The following NRXN3 variants were observed in gnomAD, a reference collection of about 807,000 sequenced individuals.
NRXN3 encodes the protein neurexin III.
NRXN3 carries 32 observed loss-of-function variants against 137.6 expected under a neutral mutation model. The observed-to-expected ratio is 0.23, with a 90% confidence interval of 0.18 to 0.31. The LOEUF (loss-of-function observed/expected upper bound fraction) is 0.31. Ranked by LOEUF, NRXN3 falls within the 10% of genes least tolerant of loss-of-function variation. The probability of loss-of-function intolerance (pLI) is 1.00; values close to 1 mark genes in which losing one functional copy is unlikely to be tolerated. For missense variants in NRXN3, 1,574 were observed against 2,062.5 expected (o/e 0.76, Z 4.59); for synonymous variants, 798 against 784.5 (o/e 1.02, Z -0.29).
At chr14:79,093,852 G>A (rs1263865384) in intron 15 of NRXN3, among the ~76,000 whole-genome samples, 2 of 151,994 alleles carry the variant, frequency 1.3e-5, no homozygotes, top group East Asian at 1.9e-4. Context: ...CTACATGACC[G>A]GGCTTTAGTT....
chr14:78,498,596 G>T (rs1400703650), intron 4 of NRXN3, among the ~76,000 whole-genome samples: 1 of 152,084 alleles, frequency 6.6e-6, no homozygotes, highest in East Asian at 1.9e-4. Context: ...TTGCAGCTTT[G>T]CAAGATACAG....
At chr14:78,488,229 A>G (rs2095600121) in intron 4 of NRXN3, among the ~76,000 whole-genome samples, 1 of 152,066 alleles carries the variant, frequency 6.6e-6, no homozygotes, top group African/African-American at 2.4e-5. Flanking sequence ...TAACTTAATC[A>G]CCTCTTTAAA....
At chr14:79,162,208 TG>T (rs1423585218) in intron 15 of NRXN3, among the ~76,000 whole-genome samples, 2 of 151,248 alleles carry the variant, frequency 1.3e-5, no homozygotes, top group East Asian at 4.0e-4. Flanking sequence ...TAGTTACATA[TG>T]TATACATGTG....
chr14:78,402,584 A>C (rs1217342655), intron 4 of NRXN3, among the ~76,000 whole-genome samples: 1 of 152,184 alleles, frequency 6.6e-6, no homozygotes. Context: ...CATATTTCAA[A>C]TATGAAGATG....
At chr14:79,501,333 G>C (rs1208984782) in intron 16 of NRXN3, among the ~76,000 whole-genome samples, 5 of 152,040 alleles carry the variant, frequency 3.3e-5, no homozygotes, top group South Asian at 2.1e-4. Context: ...ATCCATGTGA[G>C]GTATTCTGTG....
At chr14:79,452,040 G>C (rs2096181343) in intron 15 of NRXN3, among the ~76,000 whole-genome samples, 1 of 152,112 alleles carries the variant, frequency 6.6e-6, no homozygotes, top group African/African-American at 2.4e-5. Flanking sequence ...CTGAGCCTGA[G>C]ATAAGGACAG....
intron 16 of NRXN3, among the ~76,000 whole-genome samples, chr14:79,511,277 A>T (rs1298306388): frequency 6.6e-6 from 1 of 152,192 alleles, no homozygotes; most frequent in Non-Finnish European, 1.5e-5. Flanking sequence ...TAAGGAAAGC[A>T]CTATAGGAAC....
chr14:79,318,967 C>T (rs1313261991), intron 15 of NRXN3, among the ~76,000 whole-genome samples: 1 of 152,142 alleles, frequency 6.6e-6, no homozygotes, highest in Non-Finnish European at 1.5e-5. Flanking sequence ...TATGCACTCA[C>T]TTTGTTTTTG....
intron 11 of NRXN3, among the ~76,000 whole-genome samples, chr14:78,963,946 A>C (rs996570203): frequency 6.6e-6 from 1 of 151,270 alleles, no homozygotes; most frequent in Non-Finnish European, 1.5e-5. Context: ...TTTTTTTTTA[A>C]TTTGTAGAGA....
At chr14:79,819,172 C>T (rs749514753) in intron 20 of NRXN3, among the ~76,000 whole-genome samples, 3 of 152,200 alleles carry the variant, frequency 2.0e-5, no homozygotes, top group East Asian at 1.9e-4. Flanking sequence ...ACACTTTGAG[C>T]GTCTTACAGT....
At chr14:79,250,305 G>C (rs2075761355) in intron 15 of NRXN3, among the ~76,000 whole-genome samples, 1 of 152,148 alleles carries the variant, frequency 6.6e-6, no homozygotes, top group African/African-American at 2.4e-5. Flanking sequence ...TTGGGAACAT[G>C]AAAGGTAGAG....
chr14:79,119,383 C>G (rs2055029239), intron 15 of NRXN3, among the ~76,000 whole-genome samples: 1 of 152,092 alleles, frequency 6.6e-6, no homozygotes, highest in Non-Finnish European at 1.5e-5. Flanking sequence ...TTTATTGTGT[C>G]AAGACATAAT....
At chr14:79,428,057 C>G (rs530986677) in intron 15 of NRXN3, among the ~76,000 whole-genome samples, 1 of 151,948 alleles carries the variant, frequency 6.6e-6, no homozygotes, top group South Asian at 2.1e-4. Context: ...AAATACATAA[C>G]AATTTAATAA....
intron 19 of NRXN3, among the ~76,000 whole-genome samples, chr14:79,708,566 A>G (rs1315299176): frequency 6.6e-6 from 1 of 152,078 alleles, no homozygotes; most frequent in Non-Finnish European, 1.5e-5. Flanking sequence ...TCAAGCAGCA[A>G]TCGTCACTTG....
At chr14:79,678,078 G>T (rs2098650152) in intron 17 of NRXN3, among the ~76,000 whole-genome samples, 1 of 151,908 alleles carries the variant, frequency 6.6e-6, no homozygotes, top group Admixed American at 6.6e-5. Context: ...ATTGTACTTT[G>T]TTCCTCCCTC....
chr14:79,426,234 A>G (rs967097646), intron 15 of NRXN3, among the ~76,000 whole-genome samples: 1 of 152,204 alleles, frequency 6.6e-6, no homozygotes, highest in African/African-American at 2.4e-5. Context: ...CCTCCTGGCC[A>G]GCTGCAGCGC....
chr14:78,874,860 G>A (rs1342006499), intron 10 of NRXN3, among the ~76,000 whole-genome samples: 1 of 152,202 alleles, frequency 6.6e-6, no homozygotes, highest in Non-Finnish European at 1.5e-5. Context: ...AATAATGCAA[G>A]AAGAGTCACC....
chr14:79,805,249 A>T (rs762679827), intron 20 of NRXN3, 59 bp downstream of exon 20: 1 of 1,213,134 alleles, frequency 8.2e-7, no homozygotes, highest in Admixed American at 1.7e-5. Context: ...AAAACAATAC[A>T]TACATATATG....
At chr14:79,321,888 C>T (rs529096328) in intron 15 of NRXN3, among the ~76,000 whole-genome samples, 12 of 148,904 alleles carry the variant, frequency 8.1e-5, no homozygotes, top group African/African-American at 2.5e-4. Context: ...TATATATATA[C>T]ACACACACAC....
Sources: allele counts gnomAD v4.1 joint callset (sites outside exome capture counted in the v4.1 genomes callset), GRCh38; gene constraint gnomAD v4.1.1; transcripts MANE v1.5; gene names NCBI Gene and HGNC (gene_info 2026-07-23, HGNC 2026-07-21).